The following PKP4 variants were observed in gnomAD, a reference collection of about 807,000 sequenced individuals.
PKP4 encodes the protein plakophilin 4, also known as plakophilin-4.
In PKP4, 90 loss-of-function variants were observed where a neutral mutation model predicts 145.1. The observed-to-expected ratio is 0.62, with a 90% CI of 0.52 to 0.74. PKP4 has a LOEUF of 0.74. Ranked by LOEUF, PKP4 falls within the 30% of genes least tolerant of loss-of-function variation. The pLI, the probability that PKP4 is intolerant of heterozygous loss-of-function variation, is 0.00. For synonymous variants in PKP4, 563 were observed against 577.2 expected, an observed-to-expected ratio of 0.98 and a Z score of 0.35; for missense variants, 1,340 against 1,482.7, an observed-to-expected ratio of 0.90 and a Z score of 1.58.
At chr2:158,571,583 A>T (rs761098679) in intron 2 of PKP4, among the ~76,000 whole-genome samples, 2 of 152,196 alleles carry the variant, frequency 1.3e-5, no homozygotes, top group Non-Finnish European at 2.9e-5. Context: ...CTACATTTCA[A>T]TTAAAGCCTG....
At chr2:158,623,173 G>A (rs181054941) in intron 6 of PKP4, among the ~76,000 whole-genome samples, 101 of 151,514 alleles carry the variant, frequency 6.7e-4, no homozygotes, top group Middle Eastern at 3.4e-3. Context: ...TTTTTTTGTT[G>A]TTGTTCTTAA....
intron 1 of PKP4, among the ~76,000 whole-genome samples, chr2:158,528,496 G>A (rs1238388158): frequency 2.0e-5 from 2 of 99,136 alleles, no homozygotes; most frequent in African/African-American, 7.6e-5. Context: ...GTGGGGTGGG[G>A]GGAGGGGGAG....
In PKP4 at chr2:158,642,623, G is replaced by A. The variant is rs2054402805; in HGVS notation, c.1833G>A (p.Lys611=). 6.2e-7 allele frequency: 1 copy of A among 1,613,444 alleles called. No individual in the cohort carries two copies. Among genetic ancestry groups the A allele is most frequent in the African/African-American group, 1.3e-5 (1 of 74,934 alleles). The change falls in exon 11 of 22, where the codon AAG becomes AAA. Residue 611 remains lysine, a synonymous_variant. Coordinates refer to ENST00000389759, the MANE Select transcript of PKP4 (RefSeq NM_003628.6). Reference sequence around the variant, plus strand: ...CAGATGAAAATAAAATAGCAATGAAGAATGTTGGTGGGATACCTGCCTTGT... The same window carrying A: ...CAGATGAAAATAAAATAGCAATGAAAAATGTTGGTGGGATACCTGCCTTGT... ...KSTDENKIAM[K]NVGGIPALLR...
At chr2:158,547,125 T>G (rs937413404) in intron 2 of PKP4, among the ~76,000 whole-genome samples, 3 of 152,108 alleles carry the variant, frequency 2.0e-5, no homozygotes, top group Non-Finnish European at 4.4e-5. Context: ...ATTTGATAAT[T>G]TTTTGTAAAG....
At chr2:158,636,895 T>A (rs866959974) in intron 9 of PKP4, among the ~76,000 whole-genome samples, 5 of 152,220 alleles carry the variant, frequency 3.3e-5, no homozygotes, top group South Asian at 2.1e-4. Context: ...CTTATATACA[T>A]CTTTTTCTTT....
chr2:158,669,674 A>T, intron 16 of PKP4, 46 bp from the exon 17 acceptor site: 1 of 1,436,454 alleles, frequency 7.0e-7, no homozygotes, highest in Non-Finnish European at 9.3e-7. Context: ...AATAACAAAA[A>T]CCTAGTACCT....
intron 2 of PKP4, among the ~76,000 whole-genome samples, chr2:158,540,202 T>G (rs2105657360): frequency 6.6e-6 from 1 of 152,340 alleles, no homozygotes; most frequent in South Asian, 2.1e-4. Flanking sequence ...ATTTGTTCTC[T>G]TTGATTTCAT....
intron 1 of PKP4, chr2:158,458,255 C>G (rs191672043): frequency 2.0e-5 from 3 of 152,948 alleles, no homozygotes; most frequent in African/African-American, 7.2e-5. Context: ...TAGCGCCTTC[C>G]CTCCCCAGCT....
chr2:158,507,962 T>C (rs1456120128), intron 1 of PKP4, among the ~76,000 whole-genome samples: 4 of 152,168 alleles, frequency 2.6e-5, no homozygotes, highest in Non-Finnish European at 5.9e-5. Flanking sequence ...ACCTCTGCTC[T>C]GCCACAGGGT....
At chr2:158,598,717 C>T (rs574607216) in intron 3 of PKP4, among the ~76,000 whole-genome samples, 1 of 152,050 alleles carries the variant, frequency 6.6e-6, no homozygotes, top group Non-Finnish European at 1.5e-5. Flanking sequence ...TGCAGTGAGG[C>T]GAGATCGCGC....
intron 1 of PKP4, among the ~76,000 whole-genome samples, chr2:158,486,104 A>C (rs1233281352): frequency 6.6e-6 from 1 of 152,214 alleles, no homozygotes; most frequent in Non-Finnish European, 1.5e-5. Flanking sequence ...ATAACATTAA[A>C]TTTGTAATCA....
intron 2 of PKP4, among the ~76,000 whole-genome samples, chr2:158,541,458 T>C (rs1319173469): frequency 6.6e-6 from 1 of 152,138 alleles, no homozygotes; most frequent in African/African-American, 2.4e-5. Context: ...TCTTAGCTTA[T>C]AGAATCTTAA....
chr2:158,583,131 G>C (rs549025537), intron 3 of PKP4, among the ~76,000 whole-genome samples: 1 of 152,158 alleles, frequency 6.6e-6, no homozygotes, highest in Admixed American at 6.5e-5. Context: ...TGTCTCCCAC[G>C]GGCTAAGCAA....
intron 2 of PKP4, among the ~76,000 whole-genome samples, chr2:158,573,390 A>G (rs1303527415): frequency 6.6e-6 from 1 of 152,222 alleles, no homozygotes; most frequent in Non-Finnish European, 1.5e-5. Context: ...ATTTAGGGTA[A>G]TGATTCCTTC....
intron 4 of PKP4, among the ~76,000 whole-genome samples, chr2:158,608,478 A>C (rs975392004): frequency 6.6e-6 from 1 of 152,202 alleles, no homozygotes; most frequent in Non-Finnish European, 1.5e-5. Context: ...AGGTGTGTCC[A>C]TAATTCACAC....
Position 158,621,216 on chromosome 2 carries a change from G to A in PKP4, c.413-15G>A. On this transcript the variant is annotated splice_polypyrimidine_tract_variant and intron_variant, in intron 5 of 21. Coordinates refer to ENST00000389759, the MANE Select transcript of PKP4 (RefSeq NM_003628.6). ...GTGTGTATAATAAAGATATTTCTTG[G>A]TTTCATTCTTACAGGATCATTGGGT... is the stretch of plus-strand genomic sequence containing the variant. 6.2e-7 allele frequency: 1 copy of A among 1,613,852 alleles called. No individual in the cohort carries two copies. Among genetic ancestry groups the A allele is most frequent in the African/African-American group, 1.3e-5 (1 of 75,020 alleles).
chr2:158,589,783 G>C (rs1449717365), intron 3 of PKP4, among the ~76,000 whole-genome samples: 1 of 152,076 alleles, frequency 6.6e-6, no homozygotes, highest in Non-Finnish European at 1.5e-5. Flanking sequence ...CCATTTGGCA[G>C]GTTAAGGACA....
intron 4 of PKP4, among the ~76,000 whole-genome samples, chr2:158,620,246 CGAATT>C (rs1240252380): frequency 1.5e-5 from 2 of 129,780 alleles, no homozygotes; most frequent in African/African-American, 5.8e-5. Flanking sequence ...ATACGGGAAT[CGAATT>C]GGGAAAAGGA....
intron 2 of PKP4, among the ~76,000 whole-genome samples, chr2:158,543,154 G>A (rs1192980263): frequency 6.6e-6 from 1 of 152,064 alleles, no homozygotes; most frequent in Non-Finnish European, 1.5e-5. Flanking sequence ...TATCCTTTCA[G>A]TTCAGATTTT....
Sources: gnomAD v4.1 joint callset for allele counts (sites outside exome capture counted in the v4.1 genomes callset) on GRCh38, gnomAD v4.1.1 for gene constraint, MANE v1.5 for transcripts, NCBI Gene and HGNC (gene_info 2026-07-23, HGNC 2026-07-21) for gene names.